The following PDK4 variants were observed in gnomAD, a reference collection of about 807,000 sequenced individuals.
PDK4 encodes the protein pyruvate dehydrogenase kinase 4.
A neutral mutation model predicts 51.7 loss-of-function variants in PDK4; 43 were observed. That is an observed-to-expected ratio of 0.83 (90% CI 0.65 to 1.07). The LOEUF (loss-of-function observed/expected upper bound fraction) is 1.07, where lower values mean the gene tolerates loss of function less well. Ranked by LOEUF, PDK4 falls within the 50% of genes least tolerant of loss-of-function variation. PDK4 has a pLI of 0.00. For synonymous variants in PDK4, 170 were observed against 176.6 expected, an observed-to-expected ratio of 0.96 and a Z score of 0.30; for missense variants, 498 against 503.5, an observed-to-expected ratio of 0.99 and a Z score of 0.10.
intron 9 of PDK4, 45 bp from the exon 10 acceptor site, chr7:95,587,168 C>T: frequency 8.7e-7 from 1 of 1,142,862 alleles, no homozygotes. Flanking sequence ...TATGTGATCA[C>T]TGAAATACAA....
At chr7:95,586,096 T>A (rs112315104) in intron 10 of PDK4, among the ~76,000 whole-genome samples, 2 of 152,126 alleles carry the variant, frequency 1.3e-5, no homozygotes, top group African/African-American at 2.4e-5. Context: ...CTAATATCTA[T>A]ATTTTCAGTT....
In PDK4 at chr7:95,592,954, A is replaced by G. The variant is rs1791571138; in HGVS notation, c.345-10T>C. On this transcript the variant is annotated splice_polypyrimidine_tract_variant and intron_variant, in intron 3 of 10. Transcript: ENST00000005178. ...GAGTGTATCTACAAAGCTAAGCCACAATATTTATGGTTAGTAAAAGTTCAA... is the reference window on the plus strand; with the variant it reads ...GAGTGTATCTACAAAGCTAAGCCACGATATTTATGGTTAGTAAAAGTTCAA... 1 of 1,552,330 alleles carries G rather than the reference A, an allele frequency of 6.4e-7. No homozygotes were observed. Among genetic ancestry groups the G allele is most frequent in the Non-Finnish European group, 8.8e-7 (1 of 1,142,292 alleles).
At position 95,592,600 on chromosome 7, in the gene PDK4, G is replaced by T; in HGVS notation, c.530-3C>A. The T allele has an allele frequency of 6.3e-7, 1 of 1,590,578 alleles. No homozygotes were observed. Among genetic ancestry groups the T allele is most frequent in the Non-Finnish European group, 8.6e-7 (1 of 1,159,394 alleles). Reference sequence around the variant, plus strand: ...CTGTGAGTCACTAAATATAAGAACTGTTGAAAAATAAAAACAAAAAAAAAT... The same window carrying T: ...CTGTGAGTCACTAAATATAAGAACTTTTGAAAAATAAAAACAAAAAAAAAT... On this transcript the variant is annotated splice_region_variant and splice_polypyrimidine_tract_variant and intron_variant, in intron 4 of 10. Coordinates refer to ENST00000005178, the MANE Select transcript of PDK4 (RefSeq NM_002612.4).
intron 6 of PDK4, 86 bp from the exon 7 acceptor site, chr7:95,589,802 T>C: frequency 1.3e-6 from 1 of 782,088 alleles, no homozygotes; most frequent in South Asian, 1.6e-5. Flanking sequence ...CATTTTAGAC[T>C]TCAAGAGGGT....
chr7:95,584,507 A>T lies in PDK4; in HGVS notation c.*1134T>A, dbSNP rs1791454673. ...AACTGACAAATGAAAGCATGCTGGC[A>T]TGAGAATCTCTTACGTCCAGGCTAT... On this transcript the variant is annotated 3_prime_UTR_variant, in exon 11 of 11. Coordinates refer to ENST00000005178, the MANE Select transcript of PDK4 (RefSeq NM_002612.4). The T allele has an allele frequency of 6.6e-6, 1 of 152,220 alleles. No individual in the cohort carries two copies. Among genetic ancestry groups the T allele is most frequent in the African/African-American group, 2.4e-5 (1 of 41,464 alleles). The allele number at this position is 152,220 out of a possible 1,614,324, so 9.4% of individuals were successfully genotyped here.
intron 6 of PDK4, among the ~76,000 whole-genome samples, chr7:95,590,609 A>G (rs1791541077): frequency 1.3e-5 from 2 of 152,160 alleles, no homozygotes; most frequent in African/African-American, 2.4e-5. Flanking sequence ...TTATGCTCAG[A>G]GATACGTTCC....
chr7:95,587,389 G>T (rs959086645), intron 9 of PDK4, 29 bp downstream of exon 9: 2 of 1,292,682 alleles, frequency 1.5e-6, no homozygotes, highest in African/African-American at 1.5e-5. Context: ...AGGTGGCTGA[G>T]ATTAATTTAG....
intron 1 of PDK4, 91 bp downstream of exon 1, chr7:95,596,073 A>G: frequency 2.2e-6 from 3 of 1,362,910 alleles, no homozygotes; most frequent in Non-Finnish European, 3.0e-6. Flanking sequence ...CAGTTGTTTT[A>G]GCTTGAGCCT....
intron 8 of PDK4, 29 bp from the exon 9 acceptor site, chr7:95,587,557 C>A (rs1268373957): frequency 1.4e-6 from 2 of 1,420,610 alleles, no homozygotes; most frequent in Non-Finnish European, 1.0e-6. Flanking sequence ...TCATCAAAGC[C>A]ACACATTAAA....
chr7:95,596,324 T>C lies in PDK4; in HGVS notation c.-31A>G, dbSNP rs1383627398. ...CGCCCACCCGGCCTGGCGGGGACTG[T>C]GGCTGGCTTGAGGGGCGAAGGCTGC... On this transcript the variant is annotated 5_prime_UTR_variant, in exon 1 of 11. Transcript: ENST00000005178. 6.4e-7 allele frequency: 1 copy of C among 1,550,536 alleles called. No individual in the cohort carries two copies. Among genetic ancestry groups the C allele is most frequent in the African/African-American group, 1.4e-5 (1 of 71,456 alleles).
chr7:95,584,842 A>G lies in PDK4; in HGVS notation c.*799T>C, dbSNP rs565709253. On this transcript the variant is annotated 3_prime_UTR_variant, in exon 11 of 11. Coordinates refer to ENST00000005178, the MANE Select transcript of PDK4 (RefSeq NM_002612.4). The stretch of plus-strand genomic sequence containing the variant: ...AGATATTTTTGCTGTTACTTTGGCA[A>G]TTCTCTCTCTCCAATCCCCAACATC... 6.5e-6 allele frequency: 1 copy of G among 152,722 alleles called. No homozygotes were observed. The highest frequency in any genetic ancestry group is 2.1e-4 in the South Asian group (1 of 4,820). The allele number at this position is 152,722 out of a possible 1,614,324, so 9.5% of individuals were successfully genotyped here. A position where few individuals can be genotyped will look rare whatever the true frequency, so the allele number is the denominator to read the frequency against.
Position 95,592,585 on chromosome 7 carries a change from C to G in PDK4, c.542G>C (p.Ser181Thr), listed in dbSNP as rs1260299926. 6.2e-7 allele frequency: 1 copy of G among 1,603,724 alleles called. No individual in the cohort carries two copies. The change falls in exon 5 of 11, where the codon AGT (serine) becomes ACT (threonine). Residue 181 changes from serine (S) to threonine (T), a missense_variant. Physicochemically the swap from Ser to Thr is moderately conservative, Grantham distance 58. Transcript: ENST00000005178. ...MLMNQHILIFSDSQTGNPSHI... is the reference protein window; with the variant it reads ...MLMNQHILIFTDSQTGNPSHI... ...GCTTGGGTTTCCTGTCTGTGAGTCA[C>G]TAAATATAAGAACTGTTGAAAAATA...
At position 95,592,536 on chromosome 7, in the gene PDK4, G is replaced by C; in HGVS notation, c.591C>G (p.Asn197Lys). The change falls in exon 5 of 11, where the codon AAC (asparagine) becomes AAG (lysine). Residue 197 changes from asparagine to lysine, a missense_variant. Coordinates refer to ENST00000005178, the MANE Select transcript of PDK4 (RefSeq NM_002612.4). ...NPSHIGSIDP[N>K]CDVVAVVQDA... ...CTTGGACCACTGCTACCACATCACA[G>C]TTAGGATCAATGCTTCCAATGTGGC... The C allele has an allele frequency of 6.2e-7, 1 of 1,607,046 alleles. No homozygotes were observed. Among genetic ancestry groups the C allele is most frequent in the South Asian group, 1.1e-5 (1 of 90,926 alleles).
chr7:95,587,450 G>A lies in PDK4; in HGVS notation c.949C>T (p.Pro317Ser). ...GCATTCCGGGAATTATCCATCACAG[G>A]CGTTGGTGCAGTGGAGTATGTATAA... The part of the protein sequence containing the change: ...FSYTYSTAPT[P>S]VMDNSRNAPL... Residue 317 changes from proline (P) to serine (S), a missense_variant, in exon 9 of 11, where the codon CCT becomes TCT. Coordinates refer to ENST00000005178, the MANE Select transcript of PDK4 (RefSeq NM_002612.4). 6.2e-7 allele frequency: 1 copy of A among 1,608,364 alleles called. No individual in the cohort carries two copies. The highest frequency in any genetic ancestry group is 2.2e-5 in the East Asian group (1 of 44,838).
At chr7:95,586,774 C>A in intron 10 of PDK4, 1 of 397,592 alleles carries the variant, frequency 2.5e-6, no homozygotes, top group South Asian at 6.2e-5. Flanking sequence ...ATGTATTAAC[C>A]TTCTTAGGAA....
Position 95,596,476 on chromosome 7 carries a change from G to A in PDK4, c.-183C>T. On this transcript the variant is annotated 5_prime_UTR_variant, in exon 1 of 11. Transcript: ENST00000005178. Reference sequence around the variant, plus strand: ...TGCCGCGGAGTGAAGAGTCTGGGCAGAGTCGGAGATGCAGTGGTTCGAGAT... The same window carrying A: ...TGCCGCGGAGTGAAGAGTCTGGGCAAAGTCGGAGATGCAGTGGTTCGAGAT... 1.8e-6 allele frequency: 1 copy of A among 566,110 alleles called. No homozygotes were observed. The highest frequency in any genetic ancestry group is 2.9e-6 in the Non-Finnish European group (1 of 348,820). The allele number at this position is 566,110 out of a possible 1,614,324, so 35.1% of individuals were successfully genotyped here. A position where few individuals can be genotyped will look rare whatever the true frequency, so the allele number is the denominator to read the frequency against.
Position 95,585,014 on chromosome 7 carries a change from A to G in PDK4, c.*627T>C, listed in dbSNP as rs2116708404. 6.6e-6 allele frequency: 1 copy of G among 152,512 alleles called. No individual in the cohort carries two copies. Among genetic ancestry groups the G allele is most frequent in the Non-Finnish European group, 1.5e-5 (1 of 68,032 alleles). 9.4% of individuals were successfully genotyped at this position (152,512 alleles called of 1,614,324 possible). A position where few individuals can be genotyped will look rare whatever the true frequency, so the allele number is the denominator to read the frequency against. ...AGCCTTCCTTCTGAGTTTTTACATA[A>G]GTTGATGCCTTCACTGCAACTTTGA... On this transcript the variant is annotated 3_prime_UTR_variant, in exon 11 of 11. Transcript: ENST00000005178.
At chr7:95,591,915 T>C (rs1461373695) in intron 6 of PDK4, 73 bp downstream of exon 6, 1 of 808,514 alleles carries the variant, frequency 1.2e-6, no homozygotes, top group Non-Finnish European at 2.0e-6. Context: ...TTGCTTTATA[T>C]TTACAAAAAG....
rs1162484356 is a variant in PDK4 at position 95,584,333 on chromosome 7, T to C, written c.*1308A>G. The C allele has an allele frequency of 6.6e-6, 1 of 152,184 alleles. No individual in the cohort carries two copies. Among genetic ancestry groups the C allele is most frequent in the African/African-American group, 2.4e-5 (1 of 41,448 alleles). The allele number at this position is 152,184 out of a possible 1,614,324, so 9.4% of individuals were successfully genotyped here. ...TGCTTCCCTCTCTTCCTATATCCTT[T>C]CTTTCCTTCCTGCCTTCTTTCATTT... On this transcript the variant is annotated 3_prime_UTR_variant, in exon 11 of 11. Coordinates refer to ENST00000005178, the MANE Select transcript of PDK4 (RefSeq NM_002612.4).
Sources: allele counts gnomAD v4.1 joint callset (sites outside exome capture counted in the v4.1 genomes callset), GRCh38; gene constraint gnomAD v4.1.1; transcripts MANE v1.5; gene names NCBI Gene and HGNC (gene_info 2026-07-23, HGNC 2026-07-21).